ZNF804A: variants seen among roughly 807,000 people sequenced by gnomAD.
ZNF804A encodes the protein zinc finger protein 804A.
In ZNF804A, 2 loss-of-function variants were observed where a neutral mutation model predicts 16.5. The ratio of observed to expected loss-of-function variants is 0.12; its 90% CI spans 0.05 to 0.38. The LOEUF is 0.38. ZNF804A is among the 10% of genes least tolerant of loss of function. The pLI, the probability that ZNF804A is intolerant of heterozygous loss-of-function variation, is 0.99. For missense variants in ZNF804A, 1,473 were observed against 1,390.7 expected (o/e 1.06, Z -0.94); for synonymous variants, 534 against 489.6 (o/e 1.09, Z -1.20).
intron 1 of ZNF804A, among the ~76,000 whole-genome samples, chr2:184,710,216 C>T (rs987126817): frequency 7.3e-5 from 11 of 151,624 alleles, no homozygotes; most frequent in East Asian, 1.9e-4. Flanking sequence ...TTTTGAAGTA[C>T]GTGGGCATGG....
At chr2:184,611,142 G>A (rs1691231503) in intron 1 of ZNF804A, among the ~76,000 whole-genome samples, 1 of 152,052 alleles carries the variant, frequency 6.6e-6, no homozygotes, top group African/African-American at 2.4e-5. Context: ...GGGGGAAGTG[G>A]GCAAAAGAAC....
chr2:184,778,003 T>C (rs1268476276), intron 1 of ZNF804A, among the ~76,000 whole-genome samples: 6 of 151,704 alleles, frequency 4.0e-5, no homozygotes, highest in African/African-American at 1.4e-4. Context: ...ATAATGTTTT[T>C]AAAAGGATTA....
intron 1 of ZNF804A, among the ~76,000 whole-genome samples, chr2:184,787,614 G>A (rs1216858027): frequency 6.6e-6 from 1 of 151,880 alleles, no homozygotes; most frequent in Admixed American, 6.6e-5. Flanking sequence ...GTGATGTTAA[G>A]CATTTCTTTA....
At chr2:184,817,192 A>T (rs897237904) in intron 1 of ZNF804A, among the ~76,000 whole-genome samples, 1 of 151,896 alleles carries the variant, frequency 6.6e-6, no homozygotes, top group Non-Finnish European at 1.5e-5. Context: ...TCCCAGAGAA[A>T]GGAGCAGGCT....
intron 2 of ZNF804A, among the ~76,000 whole-genome samples, chr2:184,876,447 A>C (rs1385710166): frequency 6.6e-6 from 1 of 151,934 alleles, no homozygotes; most frequent in African/African-American, 2.4e-5. Context: ...TTTTTATTTT[A>C]GCCATTTAGA....
At chr2:184,708,888 A>G (rs922480660) in intron 1 of ZNF804A, among the ~76,000 whole-genome samples, 1 of 152,034 alleles carries the variant, frequency 6.6e-6, no homozygotes, top group Non-Finnish European at 1.5e-5. Flanking sequence ...CCTTATCTTA[A>G]GTCTATTTCA....
chr2:184,861,784 G>A (rs967018298), intron 1 of ZNF804A, among the ~76,000 whole-genome samples: 2 of 152,082 alleles, frequency 1.3e-5, no homozygotes, highest in African/African-American at 4.8e-5. Context: ...TTTAGTATTG[G>A]GGGATAGATT....
intron 2 of ZNF804A, among the ~76,000 whole-genome samples, chr2:184,909,675 G>T (rs915661877): frequency 1.3e-5 from 2 of 151,758 alleles, no homozygotes; most frequent in Non-Finnish European, 2.9e-5. Flanking sequence ...TCACCTCTGG[G>T]TCAATTTTCT....
chr2:184,700,553 TG>T (rs1692902606), intron 1 of ZNF804A, among the ~76,000 whole-genome samples: 1 of 152,026 alleles, frequency 6.6e-6, no homozygotes, highest in Non-Finnish European at 1.5e-5. Context: ...AATAAAAAAA[TG>T]ACTTATGAAC....
intron 1 of ZNF804A, among the ~76,000 whole-genome samples, chr2:184,660,667 T>G (rs141623854): frequency 1.6e-4 from 24 of 152,346 alleles, no homozygotes; most frequent in Non-Finnish European, 3.1e-4. Context: ...TGTGTTTGCC[T>G]TCTAGAAACG....
chr2:184,723,707 G>A (rs1693359538), intron 1 of ZNF804A, among the ~76,000 whole-genome samples: 3 of 151,654 alleles, frequency 2.0e-5, no homozygotes, highest in Non-Finnish European at 3.0e-5. Flanking sequence ...TCTGTTAAAT[G>A]TATATTTTGA....
chr2:184,688,369 T>C (rs2105723755), intron 1 of ZNF804A, among the ~76,000 whole-genome samples: 1 of 151,848 alleles, frequency 6.6e-6, no homozygotes, highest in East Asian at 1.9e-4. Context: ...TGTGTGTGTG[T>C]GTACGTGTGT....
chr2:184,730,790 G>A (rs980922867), intron 1 of ZNF804A, among the ~76,000 whole-genome samples: 4 of 150,062 alleles, frequency 2.7e-5, no homozygotes, highest in Non-Finnish European at 4.4e-5. Context: ...AGAACATCTT[G>A]GTTGCTTCCA....
intron 1 of ZNF804A, among the ~76,000 whole-genome samples, chr2:184,727,807 G>A (rs1473249959): frequency 2.0e-5 from 3 of 151,670 alleles, no homozygotes; most frequent in African/African-American, 7.2e-5. Context: ...GAAGTGATCA[G>A]TTTATGAGTA....
At chr2:184,631,792 A>C (rs1223078455) in intron 1 of ZNF804A, among the ~76,000 whole-genome samples, 4 of 152,176 alleles carry the variant, frequency 2.6e-5, no homozygotes, top group Non-Finnish European at 5.9e-5. Context: ...AAACAAAATC[A>C]CTCCAAAAAG....
intron 1 of ZNF804A, among the ~76,000 whole-genome samples, chr2:184,768,324 T>C (rs933452431): frequency 6.6e-6 from 1 of 152,166 alleles, no homozygotes; most frequent in South Asian, 2.1e-4. Context: ...GAACCTTTCC[T>C]CTGAAGATAT....
Position 184,800,663 on chromosome 2 carries a change from G to A in ZNF804A, c.112-65706G>A, listed in dbSNP as rs187193161. 1.2e-3 allele frequency among the ~76,000 whole-genome samples: 179 copies of A among 151,286 alleles called. 3 individuals are homozygous for A. The East Asian group carries it at 0.016, about 14-fold the overall frequency. ...ACAATTTTTTTATTTTTTAGAGTTC[G>A]TAATCTAAATTTTTAACTAGTCTAA... is the stretch of plus-strand genomic sequence containing the variant. On this transcript the variant is annotated intron_variant, in intron 1 of 3. Coordinates refer to ENST00000302277, the MANE Select transcript of ZNF804A (RefSeq NM_194250.2).
intron 1 of ZNF804A, among the ~76,000 whole-genome samples, chr2:184,654,461 T>C (rs1692043117): frequency 6.6e-6 from 1 of 152,162 alleles, no homozygotes; most frequent in South Asian, 2.1e-4. Flanking sequence ...TGGTTTGTTT[T>C]CCTGGGCTCC....
intron 1 of ZNF804A, among the ~76,000 whole-genome samples, chr2:184,814,639 G>A (rs1389995399): frequency 6.6e-6 from 1 of 152,040 alleles, no homozygotes; most frequent in Non-Finnish European, 1.5e-5. Flanking sequence ...TGGCTTTCAA[G>A]AGCTGCCTGG....
Sources: allele counts gnomAD v4.1 joint callset (sites outside exome capture counted in the v4.1 genomes callset), GRCh38; gene constraint gnomAD v4.1.1; transcripts MANE v1.5; gene names NCBI Gene and HGNC (gene_info 2026-07-23, HGNC 2026-07-21).